Variants in ELAVL2 observed in about 807,000 individuals in gnomAD.
ELAVL2 encodes ELAV like RNA binding protein 2, also known as ELAV-like protein 2.
ELAVL2 carries 4 observed loss-of-function variants against 34.6 expected under a neutral mutation model. The ratio of observed to expected loss-of-function variants is 0.12; its 90% CI spans 0.06 to 0.26. The LOEUF is 0.26. ELAVL2 is among the 10% of genes least tolerant of loss of function. The pLI, the probability that ELAVL2 is intolerant of heterozygous loss-of-function variation, is 1.00. For synonymous variants in ELAVL2, 193 were observed against 154.8 expected (o/e 1.25, Z -1.83); for missense variants, 432 against 442.8 (o/e 0.98, Z 0.22).
chr9:23,718,724 C>T (rs923683846), intron 3 of ELAVL2, among the ~76,000 whole-genome samples: 3 of 152,184 alleles, frequency 2.0e-5, no homozygotes, highest in Admixed American at 6.5e-5. Context: ...AAGGGGATAA[C>T]CCCTGAAACA....
chr9:23,700,205 T>C (rs1265003957), intron 5 of ELAVL2, among the ~76,000 whole-genome samples: 1 of 152,220 alleles, frequency 6.6e-6, no homozygotes, highest in Non-Finnish European at 1.5e-5. Context: ...AAAATTGATA[T>C]GCACTTGGAA....
intron 1 of ELAVL2, among the ~76,000 whole-genome samples, chr9:23,772,291 C>T (rs2057431056): frequency 6.6e-6 from 1 of 151,980 alleles, no homozygotes; most frequent in African/African-American, 2.4e-5. Context: ...CTGTTGGATA[C>T]AGACACTAAA....
intron 3 of ELAVL2, among the ~76,000 whole-genome samples, chr9:23,719,710 A>C (rs938801857): frequency 6.6e-6 from 1 of 152,156 alleles, no homozygotes; most frequent in African/African-American, 2.4e-5. Context: ...ATTCCCATTT[A>C]TTGAGGCCCT....
At chr9:23,761,435 A>T (rs934004120) in intron 2 of ELAVL2, among the ~76,000 whole-genome samples, 2 of 152,046 alleles carry the variant, frequency 1.3e-5, no homozygotes, top group African/African-American at 4.8e-5. Context: ...TACTATAATT[A>T]AGGCTTTATC....
At chr9:23,750,828 G>A (rs755066324) in intron 2 of ELAVL2, among the ~76,000 whole-genome samples, 5 of 152,134 alleles carry the variant, frequency 3.3e-5, no homozygotes, top group Admixed American at 1.3e-4. Context: ...GGATTCGTAC[G>A]ACAGTACCCT....
intron 1 of ELAVL2, among the ~76,000 whole-genome samples, chr9:23,763,240 G>T (rs568746303): frequency 1.3e-5 from 2 of 152,134 alleles, no homozygotes; most frequent in Non-Finnish European, 2.9e-5. Context: ...TGGGGAAAAT[G>T]GCCTCAAACT....
intron 1 of ELAVL2, among the ~76,000 whole-genome samples, chr9:23,820,448 A>G (rs753671425): frequency 6.6e-6 from 1 of 152,172 alleles, no homozygotes; most frequent in Non-Finnish European, 1.5e-5. Flanking sequence ...TCCTTTTCCC[A>G]TGTTTTCAGA....
At chr9:23,714,379 T>C (rs1303269959) in intron 3 of ELAVL2, among the ~76,000 whole-genome samples, 1 of 152,174 alleles carries the variant, frequency 6.6e-6, no homozygotes, top group Non-Finnish European at 1.5e-5. Flanking sequence ...ATGGTGATAA[T>C]TATTAAAGTT....
At chr9:23,745,252 A>AT (rs1564229153) in intron 2 of ELAVL2, among the ~76,000 whole-genome samples, 1 of 152,110 alleles carries the variant, frequency 6.6e-6, no homozygotes, top group Non-Finnish European at 1.5e-5. Flanking sequence ...ACTATGGTAG[A>AT]TTTTTACAAT....
the ELAVL2 span, among the ~76,000 whole-genome samples, chr9:23,841,378 C>T: frequency 5.9e-5 from 9 of 152,188 alleles, no homozygotes; most frequent in African/African-American, 2.2e-4. Context: ...TATCTCTATA[C>T]AGGAATTCAG....
intron 3 of ELAVL2, among the ~76,000 whole-genome samples, chr9:23,726,004 A>G (rs1365940148): frequency 6.6e-6 from 1 of 152,136 alleles, no homozygotes; most frequent in African/African-American, 2.4e-5. Context: ...TTAGTAAGGT[A>G]ATTTAGACAG....
At chr9:23,722,741 C>G (rs1159031212) in intron 3 of ELAVL2, among the ~76,000 whole-genome samples, 1 of 152,188 alleles carries the variant, frequency 6.6e-6, no homozygotes, top group African/African-American at 2.4e-5. Flanking sequence ...CCCTTTTAAC[C>G]TGAGCTTTAT....
intron 1 of ELAVL2, among the ~76,000 whole-genome samples, chr9:23,823,015 T>G (rs1012343575): frequency 1.2e-4 from 18 of 152,180 alleles, no homozygotes; most frequent in African/African-American, 4.3e-4. Context: ...CTAATCAGCA[T>G]AGTGAAGTAG....
At chr9:23,837,048 G>A in the ELAVL2 span, among the ~76,000 whole-genome samples, 2 of 152,168 alleles carry the variant, frequency 1.3e-5, no homozygotes, top group Non-Finnish European at 2.9e-5. Context: ...ATGAGGACAA[G>A]ACTGACAGGT....
intron 1 of ELAVL2, among the ~76,000 whole-genome samples, chr9:23,773,586 T>C (rs1005332093): frequency 6.6e-6 from 1 of 152,186 alleles, no homozygotes; most frequent in African/African-American, 2.4e-5. Context: ...ATATACATTA[T>C]ACACACATAT....
the ELAVL2 span, among the ~76,000 whole-genome samples, chr9:23,835,404 C>A: frequency 6.6e-6 from 1 of 151,994 alleles, no homozygotes; most frequent in Non-Finnish European, 1.5e-5. Context: ...TATCACTCAC[C>A]TCTCCCTAGG....
chr9:23,726,624 C>T (rs373381395), intron 3 of ELAVL2, among the ~76,000 whole-genome samples: 1 of 151,988 alleles, frequency 6.6e-6, no homozygotes, highest in Non-Finnish European at 1.5e-5. Flanking sequence ...CTGGGAGCCA[C>T]GTATCCATTT....
rs370288949 is a variant in ELAVL2, at chr9:23,753,890, A to T, written c.229+8116T>A. The stretch of plus-strand genomic sequence containing the variant: ...GTAATTTTATTTTCTATGAATTTGA[A>T]TATGTTTACAAAGTTTGTGTTTTCT... On this transcript the variant is annotated intron_variant, in intron 2 of 6. Transcript: ENST00000397312. Among the ~76,000 whole-genome samples the T allele has an allele frequency of 2.0e-5, 3 of 152,202 alleles. No individual in the cohort carries two copies. The East Asian group carries it at 5.8e-4, about 29-fold the overall frequency.
chr9:23,748,641 G>A (rs2051120434), intron 2 of ELAVL2, among the ~76,000 whole-genome samples: 1 of 152,150 alleles, frequency 6.6e-6, no homozygotes, highest in African/African-American at 2.4e-5. Flanking sequence ...CCTGCAAGTA[G>A]TCAGCAATCT....
Sources: gnomAD v4.1 joint callset for allele counts (sites outside exome capture counted in the v4.1 genomes callset) on GRCh38, gnomAD v4.1.1 for gene constraint, MANE v1.5 for transcripts, NCBI Gene and HGNC (gene_info 2026-07-23, HGNC 2026-07-21) for gene names.